The following ASIC2 variants were observed in gnomAD, a reference collection of about 807,000 sequenced individuals.
The protein encoded by ASIC2 is acid sensing ion channel subunit 2, also known as acid-sensing ion channel 2.
In ASIC2, 25 loss-of-function variants were observed where a neutral mutation model predicts 57.3. That is an observed-to-expected ratio of 0.44 (90% confidence interval 0.32 to 0.61). The LOEUF is 0.61. Ranked by LOEUF, ASIC2 falls within the 20% of genes least tolerant of loss-of-function variation. The probability of loss-of-function intolerance (pLI) is 0.06; values close to 1 mark genes in which losing one functional copy is unlikely to be tolerated. For synonymous variants in ASIC2, 319 were observed against 307.5 expected (o/e 1.04, Z -0.39); for missense variants, 641 against 738.1 (o/e 0.87, Z 1.52).
chr17:33,425,175 A>G (rs1911174722), intron 1 of ASIC2, among the ~76,000 whole-genome samples: 2 of 152,260 alleles, frequency 1.3e-5, no homozygotes, highest in Non-Finnish European at 2.9e-5. Context: ...TGGAGATTAG[A>G]AAACTCAGTC....
At chr17:33,097,563 C>T (rs1174365650) in intron 2 of ASIC2, among the ~76,000 whole-genome samples, 3 of 152,198 alleles carry the variant, frequency 2.0e-5, no homozygotes, top group Non-Finnish European at 4.4e-5. Flanking sequence ...CCACATGGCA[C>T]GTGGCAGGTG....
At chr17:33,921,295 G>A (rs1567756647) in intron 1 of ASIC2, among the ~76,000 whole-genome samples, 1 of 152,066 alleles carries the variant, frequency 6.6e-6, no homozygotes, top group South Asian at 2.1e-4. Context: ...TTGATGTGTT[G>A]ATGTGAAGAG....
At chr17:33,880,137 C>T (rs1399765865) in intron 1 of ASIC2, among the ~76,000 whole-genome samples, 1 of 152,078 alleles carries the variant, frequency 6.6e-6, no homozygotes, top group African/African-American at 2.4e-5. Context: ...GAACTAAATG[C>T]CCACAAGAGA....
chr17:33,398,180 A>G (rs1360507256), intron 1 of ASIC2, among the ~76,000 whole-genome samples: 2 of 152,164 alleles, frequency 1.3e-5, no homozygotes, highest in African/African-American at 2.4e-5. Flanking sequence ...TTTATTGTTT[A>G]TCTTCCCCTT....
intron 1 of ASIC2, among the ~76,000 whole-genome samples, chr17:33,514,553 C>T (rs577989727): frequency 2.6e-5 from 4 of 152,308 alleles, no homozygotes; most frequent in South Asian, 4.1e-4. Flanking sequence ...TCCTACATTC[C>T]GAGCATTTCA....
chr17:33,278,357 C>T (rs1028986106), intron 1 of ASIC2, among the ~76,000 whole-genome samples: 4 of 151,986 alleles, frequency 2.6e-5, no homozygotes, highest in South Asian at 2.1e-4. Flanking sequence ...AATAGACTGA[C>T]GTAAAATCAG....
chr17:33,777,271 A>G (rs1911311869), intron 1 of ASIC2, among the ~76,000 whole-genome samples: 1 of 152,242 alleles, frequency 6.6e-6, no homozygotes, highest in South Asian at 2.1e-4. Context: ...CGTTAAATGA[A>G]TGAATGAATG....
intron 1 of ASIC2, among the ~76,000 whole-genome samples, chr17:33,848,413 A>C (rs910757238): frequency 6.6e-6 from 1 of 152,080 alleles, no homozygotes; most frequent in Admixed American, 6.5e-5. Context: ...GGGAGGGATA[A>C]TGGCATTGCT....
intron 1 of ASIC2, among the ~76,000 whole-genome samples, chr17:33,805,611 T>C (rs1266408311): frequency 3.3e-5 from 5 of 152,222 alleles, no homozygotes; most frequent in Non-Finnish European, 4.4e-5. Context: ...CCAGCTCTTA[T>C]ATGGTGAGTA....
intron 1 of ASIC2, among the ~76,000 whole-genome samples, chr17:33,868,420 C>T (rs1247300513): frequency 3.3e-5 from 5 of 151,772 alleles, no homozygotes; most frequent in African/African-American, 1.2e-4. Context: ...GAAGTCAGAC[C>T]CCTACCTCAC....
At chr17:33,086,893 T>C (rs1347576986) in intron 3 of ASIC2, among the ~76,000 whole-genome samples, 1 of 152,142 alleles carries the variant, frequency 6.6e-6, no homozygotes, top group Non-Finnish European at 1.5e-5. Context: ...CTGTTTTTTA[T>C]GATTTTTTTA....
intron 2 of ASIC2, among the ~76,000 whole-genome samples, chr17:33,095,601 G>A (rs1235085798): frequency 1.3e-5 from 2 of 151,786 alleles, no homozygotes; most frequent in Non-Finnish European, 1.5e-5. Flanking sequence ...CTCACAGGGA[G>A]TTTGTGGCCA....
At chr17:33,214,968 G>T (rs985907122) in intron 1 of ASIC2, among the ~76,000 whole-genome samples, 1 of 152,204 alleles carries the variant, frequency 6.6e-6, no homozygotes, top group Non-Finnish European at 1.5e-5. Flanking sequence ...GGAGGCAAGG[G>T]TTGAATTCTT....
chr17:33,836,150 C>T lies in ASIC2; in HGVS notation c.555+319828G>A, dbSNP rs543680628. Among the ~76,000 whole-genome samples the T allele has an allele frequency of 2.1e-4, 27 of 130,774 alleles. 1 individual carries two copies. Among genetic ancestry groups the T allele is most frequent in the African/African-American group, 7.3e-4 (26 of 35,808 alleles). 85.8% of individuals were successfully genotyped at this position (130,774 alleles called of 152,430 possible). ...TTTTTTTTTTTTGGAGACAGTCTCA[C>T]TCTGTTACCCAGGCTGGAGTGCAGT... On this transcript the variant is annotated intron_variant, in intron 1 of 9. Coordinates refer to the ASIC2 transcript ENST00000359872.
At chr17:33,620,414 C>T (rs1054324936) in intron 1 of ASIC2, among the ~76,000 whole-genome samples, 7 of 152,226 alleles carry the variant, frequency 4.6e-5, no homozygotes, top group East Asian at 1.9e-4. Flanking sequence ...CAACTCGTGA[C>T]GGACTCCTCT....
chr17:33,614,545 AG>A (rs1406173999), intron 1 of ASIC2, among the ~76,000 whole-genome samples: 4 of 152,270 alleles, frequency 2.6e-5, no homozygotes, highest in African/African-American at 9.6e-5. Flanking sequence ...TGCATCGCCA[AG>A]GGGCTAGATG....
intron 1 of ASIC2, among the ~76,000 whole-genome samples, chr17:33,306,918 G>A (rs1451400988): frequency 2.6e-5 from 4 of 152,096 alleles, no homozygotes. Flanking sequence ...GGGGCATCAG[G>A]AGCCCCAGGG....
At chr17:33,416,008 G>A (rs1035030995) in intron 1 of ASIC2, among the ~76,000 whole-genome samples, 1 of 152,206 alleles carries the variant, frequency 6.6e-6, no homozygotes, top group African/African-American at 2.4e-5. Flanking sequence ...GCAGGGAGTG[G>A]TAGTTCATGC....
chr17:33,620,261 A>G (rs901732237), intron 1 of ASIC2, among the ~76,000 whole-genome samples: 1 of 150,880 alleles, frequency 6.6e-6, no homozygotes, highest in East Asian at 2.0e-4. Flanking sequence ...AAAAAAAAAA[A>G]CACGTCCTGC....
Sources: allele counts gnomAD v4.1 joint callset (sites outside exome capture counted in the v4.1 genomes callset), GRCh38; gene constraint gnomAD v4.1.1; transcripts MANE v1.5; gene names NCBI Gene and HGNC (gene_info 2026-07-23, HGNC 2026-07-21).